LINGO2: variants seen among roughly 807,000 people sequenced by gnomAD.
The protein encoded by LINGO2 is leucine-rich repeat and immunoglobulin-like domain-containing nogo receptor-interacting protein 2.
A neutral mutation model predicts 30.6 loss-of-function variants in LINGO2; 14 were observed. That is an observed-to-expected ratio of 0.46 (90% confidence interval 0.30 to 0.72). The LOEUF (loss-of-function observed/expected upper bound fraction) is 0.72. Ranked by LOEUF, LINGO2 falls within the 30% of genes least tolerant of loss-of-function variation. LINGO2 has a pLI of 0.07. For synonymous variants in LINGO2, 317 were observed against 288.5 expected (o/e 1.10, Z -1.00); for missense variants, 729 against 751.7 (o/e 0.97, Z 0.35).
chr9:29,184,605 T>C, the LINGO2 span, among the ~76,000 whole-genome samples: 1 of 152,052 alleles, frequency 6.6e-6, no homozygotes, highest in East Asian at 1.9e-4. Flanking sequence ...TACCTTACAC[T>C]TCATGCATTT....
chr9:28,447,983 T>C (rs1463281475), intron 2 of LINGO2, among the ~76,000 whole-genome samples: 1 of 152,138 alleles, frequency 6.6e-6, no homozygotes, highest in Non-Finnish European at 1.5e-5. Flanking sequence ...ATGCCAGAGA[T>C]AGAAGAGAGG....
chr9:28,003,501 C>A (rs1229743554), intron 5 of LINGO2, among the ~76,000 whole-genome samples: 1 of 152,080 alleles, frequency 6.6e-6, no homozygotes, highest in Non-Finnish European at 1.5e-5. Flanking sequence ...CTGTGTTGCC[C>A]AGGCTGGAGT....
chr9:28,303,485 G>C (rs1390842011), intron 3 of LINGO2, among the ~76,000 whole-genome samples: 4 of 151,968 alleles, frequency 2.6e-5, no homozygotes, highest in Non-Finnish European at 5.9e-5. Context: ...TGTGGATTAG[G>C]AACACCAACA....
At chr9:29,112,235 A>G in the LINGO2 span, among the ~76,000 whole-genome samples, 1 of 151,530 alleles carries the variant, frequency 6.6e-6, no homozygotes, top group South Asian at 2.1e-4. Context: ...AAGCTTGAGC[A>G]TGCTACTCAA....
intron 4 of LINGO2, among the ~76,000 whole-genome samples, chr9:28,268,584 A>G (rs972270432): frequency 1.3e-5 from 2 of 152,144 alleles, no homozygotes; most frequent in African/African-American, 4.8e-5. Context: ...CTAAAACTAC[A>G]GTGATAATTT....
chr9:28,959,608 TCC>T, the LINGO2 span, among the ~76,000 whole-genome samples: 1,086 of 126,166 alleles, frequency 8.6e-3, 4 homozygotes, highest in African/African-American at 0.012. Flanking sequence ...TCTCTCTCTC[TCC>T]CTCACACACA....
intron 1 of LINGO2, among the ~76,000 whole-genome samples, chr9:28,506,479 C>CAGACATAT (rs1260518228): frequency 7.0e-4 from 8 of 11,356 alleles, no homozygotes; most frequent in African/African-American, 1.2e-3. Context: ...CACACACACA[C>CAGACATAT]ATACACATAC....
chr9:28,450,194 G>A (rs1285111589), intron 2 of LINGO2, among the ~76,000 whole-genome samples: 12 of 151,976 alleles, frequency 7.9e-5, no homozygotes, highest in South Asian at 6.2e-4. Flanking sequence ...GTAATCTGTG[G>A]ACCCCCTGTA....
the LINGO2 span, chr9:27,939,562 C>T: frequency 6.6e-6 from 1 of 152,164 alleles, no homozygotes; most frequent in Non-Finnish European, 1.5e-5. Context: ...TGAATTAATT[C>T]CCTGTAGGAT....
the LINGO2 span, among the ~76,000 whole-genome samples, chr9:29,113,116 C>T: frequency 1.3e-4 from 20 of 152,250 alleles, no homozygotes; most frequent in South Asian, 2.3e-3. Context: ...TCATGGAAAA[C>T]GCATACCATG....
chr9:28,747,564 C>T, the LINGO2 span, among the ~76,000 whole-genome samples: 21 of 152,164 alleles, frequency 1.4e-4, no homozygotes, highest in African/African-American at 4.8e-4. Flanking sequence ...CATCCCTAGA[C>T]ATTACTGTGG....
intron 1 of LINGO2, among the ~76,000 whole-genome samples, chr9:28,529,449 A>C (rs938051642): frequency 6.6e-6 from 1 of 152,094 alleles, no homozygotes; most frequent in East Asian, 1.9e-4. Context: ...GTTATCCCTT[A>C]ATATATTCCT....
chr9:28,981,493 T>C, the LINGO2 span, among the ~76,000 whole-genome samples: 7 of 152,200 alleles, frequency 4.6e-5, no homozygotes, highest in East Asian at 7.7e-4. Context: ...GCTGTTATGG[T>C]AAACACTTTA....
chr9:29,202,005 A>G, the LINGO2 span, among the ~76,000 whole-genome samples: 1 of 152,036 alleles, frequency 6.6e-6, no homozygotes. Context: ...CAGTATTACT[A>G]TGGTTTTGGA....
At chr9:28,312,404 T>C (rs998778120) in intron 3 of LINGO2, among the ~76,000 whole-genome samples, 5 of 151,846 alleles carry the variant, frequency 3.3e-5, no homozygotes, top group African/African-American at 1.2e-4. Context: ...AAGAAAATGA[T>C]TAGTGGAAAT....
chr9:28,889,740 T>A, the LINGO2 span, among the ~76,000 whole-genome samples: 6 of 152,120 alleles, frequency 3.9e-5, no homozygotes, highest in Non-Finnish European at 5.9e-5. Context: ...CTTATTTTTA[T>A]CAGCTTTAAT....
chr9:28,194,630 G>T (rs1819945745), intron 4 of LINGO2, among the ~76,000 whole-genome samples: 1 of 133,258 alleles, frequency 7.5e-6, no homozygotes, highest in Admixed American at 7.3e-5. Flanking sequence ...GCATAAAAAA[G>T]AAAACTCAAA....
intron 2 of LINGO2, among the ~76,000 whole-genome samples, chr9:28,469,464 A>G (rs1825437092): frequency 6.6e-6 from 1 of 152,150 alleles, no homozygotes; most frequent in Non-Finnish European, 1.5e-5. Flanking sequence ...CTATAAGCCC[A>G]AGAAGCTCAA....
intron 2 of LINGO2, among the ~76,000 whole-genome samples, chr9:28,405,533 T>C (rs1822469184): frequency 6.6e-6 from 1 of 152,164 alleles, no homozygotes; most frequent in South Asian, 2.1e-4. Context: ...TTTAAAAATG[T>C]ATTAAATTTA....
Sources: gnomAD v4.1 joint callset for allele counts (sites outside exome capture counted in the v4.1 genomes callset) on GRCh38, gnomAD v4.1.1 for gene constraint, MANE v1.5 for transcripts, NCBI Gene and HGNC (gene_info 2026-07-23, HGNC 2026-07-21) for gene names.